CDA: variants seen among roughly 807,000 people sequenced by gnomAD.
The protein encoded by CDA is cytidine deaminase.
CDA carries 7 observed loss-of-function variants against 15.0 expected under a neutral mutation model. The ratio of observed to expected loss-of-function variants is 0.47; its 90% CI spans 0.26 to 0.87. The LOEUF (loss-of-function observed/expected upper bound fraction) is 0.87, where lower values mean the gene tolerates loss of function less well. CDA is among the 40% of genes least tolerant of loss of function. The pLI is 0.15. For synonymous variants in CDA, 58 were observed against 73.0 expected (o/e 0.79, Z 1.05); for missense variants, 159 against 182.7 (o/e 0.87, Z 0.75).
chr1:20,590,810 G>T (rs1009231013), intron 1 of CDA, among the ~76,000 whole-genome samples: 1 of 152,170 alleles, frequency 6.6e-6, no homozygotes, highest in African/African-American at 2.4e-5. Flanking sequence ...AATGAGATGA[G>T]TACGTTTGGA....
chr1:20,613,909 T>C lies in CDA; in HGVS notation c.324+10T>C. ...GCAAGTCATGAGAGAGGTAAGCAGC[T>C]TCTCTTGCTGTCTGGAATGCAAATA... On this transcript the variant is annotated intron_variant, in intron 3 of 3. Coordinates refer to ENST00000375071, the MANE Select transcript of CDA (RefSeq NM_001785.3). The C allele has an allele frequency of 3.7e-6, 6 of 1,611,948 alleles. No homozygotes were observed. Among genetic ancestry groups the C allele is most frequent in the South Asian group, 1.1e-5 (1 of 91,024 alleles).
At chr1:20,606,737 C>T (rs2052698294) in intron 2 of CDA, among the ~76,000 whole-genome samples, 1 of 152,156 alleles carries the variant, frequency 6.6e-6, no homozygotes, top group Non-Finnish European at 1.5e-5. Flanking sequence ...ATCAATGCTC[C>T]TATATGTCCC....
At chr1:20,612,693 G>A (rs1570386455) in intron 2 of CDA, among the ~76,000 whole-genome samples, 2 of 152,014 alleles carry the variant, frequency 1.3e-5, no homozygotes, top group East Asian at 3.9e-4. Context: ...GGGGCGGGGT[G>A]GCTCATGCCT....
intron 1 of CDA, among the ~76,000 whole-genome samples, chr1:20,591,183 C>CA (rs927556765): frequency 1.7e-4 from 26 of 150,754 alleles, no homozygotes; most frequent in South Asian, 4.2e-4. Flanking sequence ...ACTAAAAATA[C>CA]AAAAAAAAAT....
At chr1:20,614,559 C>T (rs61781967) in intron 3 of CDA, among the ~76,000 whole-genome samples, 9,144 of 152,302 alleles carry the variant, frequency 0.06, 554 homozygotes, top group East Asian at 0.28. Flanking sequence ...GGTTTGCCAA[C>T]CCCTGCTTTA....
intron 1 of CDA, among the ~76,000 whole-genome samples, chr1:20,591,849 G>GTTT (rs397966736): frequency 1.0e-3 from 120 of 118,194 alleles, no homozygotes; most frequent in African/African-American, 3.2e-3. Flanking sequence ...GTTTTTTTTT[G>GTTT]TTTTTTTTTT....
At chr1:20,618,396 G>A (rs77158575) in intron 3 of CDA, 56 bp from the exon 4 acceptor site, 306,510 of 976,692 alleles carry the variant, frequency 0.31, 49,031 homozygotes, top group African/African-American at 0.38. Flanking sequence ...GACCCAGTCC[G>A]TCTCAGCCCC....
intron 1 of CDA, among the ~76,000 whole-genome samples, chr1:20,600,213 G>C (rs2052629782): frequency 6.6e-6 from 1 of 152,186 alleles, no homozygotes; most frequent in African/African-American, 2.4e-5. Context: ...TGCAAGTGTG[G>C]AAATGTGCTT....
chr1:20,591,967 A>C (rs2052552708), intron 1 of CDA, among the ~76,000 whole-genome samples: 1 of 151,378 alleles, frequency 6.6e-6, no homozygotes, highest in Non-Finnish European at 1.5e-5. Context: ...CCTCAGCCTC[A>C]GAGTAGCTGG....
chr1:20,612,768 C>A (rs1418673771), intron 2 of CDA, among the ~76,000 whole-genome samples: 3 of 151,816 alleles, frequency 2.0e-5, no homozygotes, highest in Non-Finnish European at 4.4e-5. Flanking sequence ...CATAGTGAAA[C>A]CCCGTCTCTA....
intron 2 of CDA, among the ~76,000 whole-genome samples, chr1:20,606,359 TA>T (rs2052695330): frequency 1.3e-5 from 2 of 151,906 alleles, no homozygotes; most frequent in African/African-American, 4.8e-5. Flanking sequence ...GGGAGGGACC[TA>T]AAAATCACCT....
intron 2 of CDA, among the ~76,000 whole-genome samples, chr1:20,609,250 C>G (rs772735998): frequency 2.6e-5 from 4 of 152,100 alleles, no homozygotes; most frequent in African/African-American, 9.7e-5. Flanking sequence ...TTTGGAAGGC[C>G]GAGGCAGGCG....
chr1:20,611,564 A>C (rs2052751155), intron 2 of CDA, among the ~76,000 whole-genome samples: 1 of 152,082 alleles, frequency 6.6e-6, no homozygotes, highest in African/African-American at 2.4e-5. Flanking sequence ...TATTTTTAGT[A>C]GCGATGGGGT....
chr1:20,601,314 C>T (rs1171749953), intron 1 of CDA, among the ~76,000 whole-genome samples: 1 of 152,198 alleles, frequency 6.6e-6, no homozygotes, highest in Non-Finnish European at 1.5e-5. Context: ...CAGTTTGAGT[C>T]AGGTGTTCAT....
At chr1:20,596,342 G>C (rs934672785) in intron 1 of CDA, among the ~76,000 whole-genome samples, 6 of 152,134 alleles carry the variant, frequency 3.9e-5, no homozygotes, top group Non-Finnish European at 8.8e-5. Context: ...CGTGGTCCCA[G>C]AACTGCAGCC....
At chr1:20,594,187 C>T (rs765648572) in intron 1 of CDA, among the ~76,000 whole-genome samples, 1 of 152,224 alleles carries the variant, frequency 6.6e-6, no homozygotes, top group Non-Finnish European at 1.5e-5. Context: ...AAAAGCAGGC[C>T]TGGCTGCAAA....
chr1:20,594,358 G>A (rs2052573672), intron 1 of CDA, among the ~76,000 whole-genome samples: 1 of 152,078 alleles, frequency 6.6e-6, no homozygotes. Flanking sequence ...GGTAACATTC[G>A]TGACTGCTTG....
At chr1:20,607,517 A>C (rs1464120858) in intron 2 of CDA, among the ~76,000 whole-genome samples, 2 of 152,244 alleles carry the variant, frequency 1.3e-5, no homozygotes, top group Non-Finnish European at 2.9e-5. Context: ...ATCCAAGAAA[A>C]TAATGATATT....
intron 2 of CDA, among the ~76,000 whole-genome samples, chr1:20,613,029 T>G (rs1380727892): frequency 6.6e-6 from 1 of 151,006 alleles, no homozygotes; most frequent in Non-Finnish European, 1.5e-5. Context: ...TTCCATGAAT[T>G]AATGAATGTT....
Sources: gnomAD v4.1 joint callset for allele counts (sites outside exome capture counted in the v4.1 genomes callset) on GRCh38, gnomAD v4.1.1 for gene constraint, MANE v1.5 for transcripts, NCBI Gene and HGNC (gene_info 2026-07-23, HGNC 2026-07-21) for gene names.